The following RPN2 variants were observed in gnomAD, a reference collection of about 807,000 sequenced individuals.
RPN2 encodes dolichyl-diphosphooligosaccharide--protein glycosyltransferase subunit 2.
In RPN2, 29 loss-of-function variants were observed where a neutral mutation model predicts 71.4. The observed-to-expected ratio is 0.41, with a 90% CI of 0.30 to 0.55. The LOEUF is 0.55. Among genes scored for constraint, RPN2 ranks in the 20% least tolerant of loss-of-function variants. RPN2 has a pLI of 0.35. For missense variants in RPN2, 726 were observed against 774.1 expected, an observed-to-expected ratio of 0.94 and a Z score of 0.74; for synonymous variants, 308 against 305.0, an observed-to-expected ratio of 1.01 and a Z score of -0.10.
intron 9 of RPN2, among the ~76,000 whole-genome samples, chr20:37,220,481 A>G (rs1414184013): frequency 1.3e-5 from 2 of 152,146 alleles, no homozygotes; most frequent in Admixed American, 1.3e-4. Context: ...ATCATTTTTG[A>G]CAGTAATAAG....
intron 16 of RPN2, 113 bp downstream of exon 16, chr20:37,236,822 CT>C: frequency 9.4e-7 from 1 of 1,059,368 alleles, no homozygotes; most frequent in Non-Finnish European, 1.4e-6. Flanking sequence ...AGGGGCAAGT[CT>C]GACACCCTAA....
intron 1 of RPN2, among the ~76,000 whole-genome samples, chr20:37,182,605 G>A (rs1212933183): frequency 6.6e-6 from 1 of 151,918 alleles, no homozygotes; most frequent in African/African-American, 2.4e-5. Context: ...CATGTCGCCT[G>A]GTCTAGTCTT....
chr20:37,206,976 G>T (rs1235722042), intron 6 of RPN2, among the ~76,000 whole-genome samples: 1 of 152,090 alleles, frequency 6.6e-6, no homozygotes, highest in Non-Finnish European at 1.5e-5. Context: ...CTCCAAAAGT[G>T]CTGGGATTAC....
rs34488353 is a variant in RPN2, at chr20:37,207,423, G to A, written c.841G>A (p.Asp281Asn). ...GGTTGTGCCTGAGGGCTCTGCTTCCGACACTCATGAACAGGCTATCTTGCG... is the reference window on the plus strand; with the variant it reads ...GGTTGTGCCTGAGGGCTCTGCTTCCAACACTCATGAACAGGCTATCTTGCG... ...VVVVPEGSAS[D>N]THEQAILRLQ... Residue 281 changes from aspartate to asparagine, a missense_variant, in exon 7 of 17, where the codon GAC (aspartate) becomes AAC (asparagine). Transcript: ENST00000237530. 26,515 of 1,614,124 alleles carry A rather than the reference G, an allele frequency of 0.016. 265 individuals carry two copies. The highest frequency in any genetic ancestry group is 0.019 in the Non-Finnish European group (22,320 of 1,179,986).
intron 6 of RPN2, among the ~76,000 whole-genome samples, chr20:37,206,748 G>C (rs552108496): frequency 6.6e-6 from 1 of 151,794 alleles, no homozygotes; most frequent in African/African-American, 2.4e-5. Flanking sequence ...TTTCTCTGTC[G>C]CCCAGGTTGG....
rs1277110208 is a variant in RPN2 at position 37,185,477 on chromosome 20, A to T, written c.207+1104A>T. On this transcript the variant is annotated intron_variant, in intron 2 of 16. Transcript: ENST00000237530. ...GAATTTACATTTTATTCATTATAGT[A>T]GTATGGACAACTAGACTAAACAATT... 2.6e-5 allele frequency among the ~76,000 whole-genome samples: 4 copies of T among 152,266 alleles called. No homozygotes were observed. The East Asian group carries it at 7.7e-4, about 29-fold the overall frequency.
At chr20:37,195,662 T>C (rs2067239624) in intron 2 of RPN2, among the ~76,000 whole-genome samples, 1 of 152,156 alleles carries the variant, frequency 6.6e-6, no homozygotes, top group Admixed American at 6.5e-5. Flanking sequence ...GAGGTAATGA[T>C]AGAGGTAGAA....
At chr20:37,180,151 C>T (rs187373911) in intron 1 of RPN2, among the ~76,000 whole-genome samples, 1 of 152,186 alleles carries the variant, frequency 6.6e-6, no homozygotes, top group African/African-American at 2.4e-5. Context: ...TACCATTTGA[C>T]AGATGAGAAG....
intron 8 of RPN2, 129 bp downstream of exon 8, chr20:37,210,294 C>G: frequency 6.6e-7 from 1 of 1,511,096 alleles, no homozygotes; most frequent in Admixed American, 1.8e-5. Flanking sequence ...AGCCTACAGT[C>G]GAATGTAAGA....
chr20:37,204,884 G>A lies in RPN2; in HGVS notation c.673G>A (p.Glu225Lys). Residue 225 changes from glutamate to lysine, a missense_variant, in exon 6 of 17, where the codon GAG (glutamate) becomes AAG (lysine). Transcript: ENST00000237530. ...TYKLMDHVGT[E>K]PSIKEDQVIQ... ...CAAGCTCATGGATCATGTGGGGACTGAGCCATCCATTAAGGAGGTACCTAT... is the reference window on the plus strand; with the variant it reads ...CAAGCTCATGGATCATGTGGGGACTAAGCCATCCATTAAGGAGGTACCTAT... The A allele has an allele frequency of 6.2e-7, 1 of 1,614,158 alleles. No individual in the cohort carries two copies. The highest frequency in any genetic ancestry group is 8.5e-7 in the Non-Finnish European group (1 of 1,180,034).
rs191725085 is a variant in RPN2, at chr20:37,216,586, C to G, written c.1092+2721C>G. 3.2e-3 allele frequency among the ~76,000 whole-genome samples: 488 copies of G among 152,054 alleles called. 3 individuals are homozygous for G. Among genetic ancestry groups the G allele is most frequent in the Non-Finnish European group, 5.2e-3 (356 of 67,974 alleles). On this transcript the variant is annotated intron_variant, in intron 9 of 16. Coordinates refer to ENST00000237530, the MANE Select transcript of RPN2 (RefSeq NM_002951.5). ...AAGCGATTCTCCTGCCTCAGCCTCC[C>G]GAGTAGCTGGGACTACAGGTGCATG...
rs751653149 is a variant in RPN2 at position 37,184,297 on chromosome 20, C to G, written c.131C>G (p.Pro44Arg). ...VERLKASLDR[P>R]FTNLESAFYS... Reference sequence around the variant, plus strand: ...AGACTAAAAGCCTCGCTGGATCGCCCTTTCACAAATTTGGAATCTGCCTTC... The same window carrying G: ...AGACTAAAAGCCTCGCTGGATCGCCGTTTCACAAATTTGGAATCTGCCTTC... Residue 44 changes from proline (P) to arginine (R), a missense_variant, in exon 2 of 17, where the codon CCT becomes CGT. Transcript: ENST00000237530. The G allele has an allele frequency of 5.6e-6, 9 of 1,614,074 alleles. No individual in the cohort carries two copies. Among genetic ancestry groups the G allele is most frequent in the African/African-American group, 4.0e-5 (3 of 74,932 alleles).
chr20:37,226,106 C>G (rs1227581243), intron 11 of RPN2, among the ~76,000 whole-genome samples: 2 of 152,168 alleles, frequency 1.3e-5, no homozygotes, highest in Non-Finnish European at 2.9e-5. Flanking sequence ...TGGACTCTTG[C>G]TCTGTCACCC....
intron 15 of RPN2, 152 bp from the exon 16 acceptor site, chr20:37,236,428 C>G: frequency 3.7e-6 from 3 of 806,448 alleles, no homozygotes; most frequent in Non-Finnish European, 6.2e-6. Context: ...ATTGAGTTAG[C>G]TACTTTTTGG....
intron 1 of RPN2, 83 bp from the exon 2 acceptor site, chr20:37,184,097 G>C (rs985514058): frequency 6.5e-6 from 10 of 1,532,062 alleles, no homozygotes; most frequent in Admixed American, 5.0e-5. Context: ...TTGGTTCCCA[G>C]ATCTTGGTGT....
At chr20:37,223,239 C>T (rs998896585) in intron 9 of RPN2, among the ~76,000 whole-genome samples, 4 of 152,180 alleles carry the variant, frequency 2.6e-5, no homozygotes, top group African/African-American at 9.7e-5. Flanking sequence ...ACCACATGCT[C>T]AGAAGGAGAA....
At chr20:37,234,311 A>G (rs1001247965) in intron 15 of RPN2, among the ~76,000 whole-genome samples, 1 of 152,238 alleles carries the variant, frequency 6.6e-6, no homozygotes. Context: ...GCTTTGTTGT[A>G]CTGTGCCACT....
chr20:37,196,704 T>C (rs990215518), intron 2 of RPN2, among the ~76,000 whole-genome samples: 1 of 152,214 alleles, frequency 6.6e-6, no homozygotes, highest in African/African-American at 2.4e-5. Context: ...ACTGTTATTA[T>C]TACCACATCT....
At chr20:37,214,598 C>G (rs76547313) in intron 9 of RPN2, among the ~76,000 whole-genome samples, 1 of 152,168 alleles carries the variant, frequency 6.6e-6, no homozygotes, top group African/African-American at 2.4e-5. Context: ...GACCTTGACA[C>G]TTGAAGAGGA....
Sources: gnomAD v4.1 joint callset for allele counts (sites outside exome capture counted in the v4.1 genomes callset) on GRCh38, gnomAD v4.1.1 for gene constraint, MANE v1.5 for transcripts, NCBI Gene and HGNC (gene_info 2026-07-23, HGNC 2026-07-21) for gene names.